Variants in CNTNAP2 observed in about 807,000 individuals in gnomAD.
CNTNAP2 encodes the protein contactin associated protein 2, also known as contactin-associated protein-like 2.
In CNTNAP2, 98 loss-of-function variants were observed where a neutral mutation model predicts 155.2. The observed-to-expected ratio is 0.63, with a 90% CI of 0.54 to 0.75. The LOEUF is 0.75. Among genes scored for constraint, CNTNAP2 ranks in the 30% least tolerant of loss-of-function variants. The pLI is 0.00. For missense variants in CNTNAP2, 1,727 were observed against 1,688.1 expected (o/e 1.02, Z -0.40); for synonymous variants, 651 against 631.2 (o/e 1.03, Z -0.47).
At chr7:147,390,298 T>A (rs1445132981) in intron 9 of CNTNAP2, among the ~76,000 whole-genome samples, 3 of 152,180 alleles carry the variant, frequency 2.0e-5, no homozygotes, top group Non-Finnish European at 4.4e-5. Flanking sequence ...TAGCAGGATG[T>A]GTTTGTTATA....
At chr7:146,302,818 A>G (rs763624232) in intron 1 of CNTNAP2, among the ~76,000 whole-genome samples, 8 of 152,154 alleles carry the variant, frequency 5.3e-5, no homozygotes, top group Middle Eastern at 3.2e-3. Context: ...GACATGTGCT[A>G]TACTTCTGTT....
intron 1 of CNTNAP2, among the ~76,000 whole-genome samples, chr7:146,684,943 C>A (rs1437315285): frequency 1.3e-5 from 2 of 151,964 alleles, no homozygotes; most frequent in Admixed American, 6.6e-5. Context: ...AGCTAAAGAG[C>A]CACAGATTTT....
At chr7:147,290,017 C>T (rs1805266163) in intron 8 of CNTNAP2, among the ~76,000 whole-genome samples, 2 of 152,088 alleles carry the variant, frequency 1.3e-5, no homozygotes, top group Non-Finnish European at 2.9e-5. Context: ...TCTCATTAGT[C>T]AATATATAGT....
chr7:147,407,085 G>T (rs1022107058), intron 10 of CNTNAP2, among the ~76,000 whole-genome samples: 1 of 152,144 alleles, frequency 6.6e-6, no homozygotes, highest in African/African-American at 2.4e-5. Context: ...AATTAGACAT[G>T]ACATAAAAGT....
At chr7:147,987,443 A>G (rs1424139873) in intron 15 of CNTNAP2, among the ~76,000 whole-genome samples, 1 of 152,158 alleles carries the variant, frequency 6.6e-6, no homozygotes, top group Admixed American at 6.5e-5. Context: ...TTCAAATACC[A>G]TTTGTATTTG....
chr7:146,481,810 G>A lies in CNTNAP2; in HGVS notation c.98-292461G>A, dbSNP rs146120352. ...TACATCATAAGGAAAAAGTAGAAGT[G>A]GTGTTGAGGGGCGTCTCCTGTAGAC... is the stretch of plus-strand genomic sequence containing the variant. On this transcript the variant is annotated intron_variant, in intron 1 of 23. Transcript: ENST00000361727. Among the ~76,000 whole-genome samples the A allele has an allele frequency of 1.2e-3, 189 of 152,168 alleles. 4 individuals are homozygous for A. In the East Asian group the frequency reaches 0.033, roughly 27 times the overall value.
chr7:147,663,885 T>A (rs1584886656), intron 13 of CNTNAP2, among the ~76,000 whole-genome samples: 1 of 152,244 alleles, frequency 6.6e-6, no homozygotes, highest in African/African-American at 2.4e-5. Flanking sequence ...TTCATTTATT[T>A]ACTTATTTAT....
At chr7:146,898,963 A>C (rs181405056) in intron 3 of CNTNAP2, among the ~76,000 whole-genome samples, 10 of 152,048 alleles carry the variant, frequency 6.6e-5, no homozygotes, top group African/African-American at 2.4e-4. Flanking sequence ...TTTACCTGTC[A>C]TCTCCTTGTT....
intron 22 of CNTNAP2, among the ~76,000 whole-genome samples, chr7:148,384,732 C>T (rs1056350257): frequency 2.0e-5 from 3 of 152,178 alleles, no homozygotes; most frequent in Admixed American, 6.5e-5. Context: ...AGGCAGGAAG[C>T]AACAGCTAGG....
At chr7:148,288,901 A>G (rs1184989335) in intron 21 of CNTNAP2, among the ~76,000 whole-genome samples, 1 of 142,942 alleles carries the variant, frequency 7.0e-6, no homozygotes, top group Non-Finnish European at 1.5e-5. Context: ...TGTTCATTCT[A>G]CTTTGACTTT....
chr7:148,111,156 G>A (rs1804341798), intron 15 of CNTNAP2, among the ~76,000 whole-genome samples: 1 of 152,108 alleles, frequency 6.6e-6, no homozygotes, highest in South Asian at 2.1e-4. Flanking sequence ...GGTATAAACA[G>A]ACAGGTGAGA....
chr7:147,120,339 A>AT (rs1454786357), intron 5 of CNTNAP2, among the ~76,000 whole-genome samples: 1 of 152,110 alleles, frequency 6.6e-6, no homozygotes, highest in Non-Finnish European at 1.5e-5. Flanking sequence ...TATCTTCCCT[A>AT]TTGTATATAT....
chr7:147,433,929 T>C (rs11981411), intron 10 of CNTNAP2, among the ~76,000 whole-genome samples: 1 of 152,350 alleles, frequency 6.6e-6, no homozygotes, highest in African/African-American at 2.4e-5. Flanking sequence ...AAAATAGCAG[T>C]GCTTTGTTGT....
intron 15 of CNTNAP2, among the ~76,000 whole-genome samples, chr7:148,075,542 T>G (rs1273090520): frequency 1.3e-5 from 2 of 152,186 alleles, no homozygotes; most frequent in East Asian, 3.9e-4. Flanking sequence ...CTCAAGTCTC[T>G]GAAGGAGTAA....
At chr7:147,393,099 C>T (rs915394489) in intron 9 of CNTNAP2, among the ~76,000 whole-genome samples, 1 of 151,792 alleles carries the variant, frequency 6.6e-6, no homozygotes, top group Admixed American at 6.6e-5. Context: ...AGAAGTCAGG[C>T]CTAATTGATT....
Position 147,916,677 on chromosome 7 carries a change from GA to G in CNTNAP2, c.2255+12969del, listed in dbSNP as rs11423683. Among the ~76,000 whole-genome samples, 457 of 128,544 alleles carry G rather than the reference GA, an allele frequency of 3.6e-3. 1 individual carries two copies. Among genetic ancestry groups the G allele is most frequent in the South Asian group, 5.5e-3 (23 of 4,146 alleles). The allele number at this position is 128,544 out of a possible 152,430, so 84.3% of individuals were successfully genotyped here. A position where few individuals can be genotyped will look rare whatever the true frequency, so the allele number is the denominator to read the frequency against. ...AAGAGGGAGAGCTGTTATGTTTTCT[GA>G]AAAAAAAAAAAATGCATTCTGCCCA... On this transcript the variant is annotated intron_variant, in intron 14 of 23. Coordinates refer to ENST00000361727, the MANE Select transcript of CNTNAP2 (RefSeq NM_014141.6).
chr7:147,033,730 C>G (rs1323821762), intron 3 of CNTNAP2, among the ~76,000 whole-genome samples: 4 of 150,372 alleles, frequency 2.7e-5, no homozygotes, highest in Admixed American at 6.7e-5. Flanking sequence ...AGCTGACTTA[C>G]ATACTTCTGA....
rs552363957 is a variant in CNTNAP2, at chr7:146,982,307, TATATA to T, written c.403-61594_403-61590del. Reference sequence around the variant, plus strand: ...AACTTTATAAAATATCTTTTAAAAATATATAATATATAAGATCATGTTATGTACTA... The same window carrying T: ...AACTTTATAAAATATCTTTTAAAAATATATATAAGATCATGTTATGTACTA... On this transcript the variant is annotated intron_variant, in intron 3 of 23. Coordinates refer to ENST00000361727, the MANE Select transcript of CNTNAP2 (RefSeq NM_014141.6). Among the ~76,000 whole-genome samples the T allele has an allele frequency of 1.4e-4, 21 of 152,238 alleles. No homozygotes were observed. In the South Asian group the frequency reaches 3.7e-3, roughly 27 times the overall value.
intron 11 of CNTNAP2, among the ~76,000 whole-genome samples, chr7:147,536,054 G>A (rs1799532250): frequency 1.3e-5 from 2 of 152,174 alleles, no homozygotes; most frequent in East Asian, 3.9e-4. Flanking sequence ...AATCTCTGAA[G>A]CTCTGAGCAC....
Sources: gnomAD v4.1 joint callset for allele counts (sites outside exome capture counted in the v4.1 genomes callset) on GRCh38, gnomAD v4.1.1 for gene constraint, MANE v1.5 for transcripts, NCBI Gene and HGNC (gene_info 2026-07-23, HGNC 2026-07-21) for gene names.